Variants in VAV2 observed in about 807,000 individuals in gnomAD.
The protein encoded by VAV2 is guanine nucleotide exchange factor VAV2.
Under a neutral mutation model 132.5 loss-of-function variants are expected in VAV2, and 67 were observed. The observed-to-expected ratio is 0.51, with a 90% confidence interval of 0.42 to 0.62. VAV2 has a LOEUF of 0.62. Ranked by LOEUF, VAV2 falls within the 20% of genes least tolerant of loss-of-function variation. VAV2 has a pLI of 0.00. For synonymous variants in VAV2, 492 were observed against 443.5 expected, an observed-to-expected ratio of 1.11 and a Z score of -1.37; for missense variants, 938 against 1,153.6, an observed-to-expected ratio of 0.81 and a Z score of 2.71.
At chr9:133,946,001 C>A (rs1841345266) in intron 1 of VAV2, among the ~76,000 whole-genome samples, 1 of 152,242 alleles carries the variant, frequency 6.6e-6, no homozygotes, top group South Asian at 2.1e-4. Context: ...GACTCTCACT[C>A]AAAGAGACTG....
chr9:133,948,234 T>C (rs1233742261), intron 1 of VAV2, among the ~76,000 whole-genome samples: 1 of 152,246 alleles, frequency 6.6e-6, no homozygotes, highest in Non-Finnish European at 1.5e-5. Context: ...TGATTTTGTC[T>C]GGACAATTGA....
chr9:133,828,614 A>G (rs1836142390), intron 4 of VAV2, among the ~76,000 whole-genome samples: 1 of 152,242 alleles, frequency 6.6e-6, no homozygotes, highest in Admixed American at 6.5e-5. Context: ...CTGTCACTGC[A>G]GTGCCACCAA....
At position 133,784,419 on chromosome 9, in the gene VAV2, C is replaced by G. The variant is rs189757129; in HGVS notation, c.1533-1G>C. The G allele has an allele frequency of 6.2e-7, 1 of 1,614,098 alleles. No individual in the cohort carries two copies. Among genetic ancestry groups the G allele is most frequent in the Non-Finnish European group, 8.5e-7 (1 of 1,179,974 alleles). ...GGCTTTGTCTGGCTTGATGTTTGAC[C>G]TGGCAGGAGGGAAAGAGAGCAGATG... On this transcript the variant is annotated splice_acceptor_variant, in intron 17 of 29. Coordinates refer to ENST00000371850, the MANE Select transcript of VAV2 (RefSeq NM_001134398.2). LOFTEE classifies it high-confidence loss of function.
In VAV2 at chr9:133,918,111, C is replaced by G. The variant is rs1456198570; in HGVS notation, c.321+20992G>C. On this transcript the variant is annotated intron_variant, in intron 2 of 29. Coordinates refer to ENST00000371850, the MANE Select transcript of VAV2 (RefSeq NM_001134398.2). This position sits in a 1 kb window ranked among gnomAD's most constrained non-coding sequence, Gnocchi z 4.7. ...ATTAAACATGATTTAATTTGCTTTT[C>G]CTAATGATATGCCCACAGTATTAGG... Among the ~76,000 whole-genome samples, 3 of 152,192 alleles carry G rather than the reference C, an allele frequency of 2.0e-5. No individual in the cohort carries two copies. Among genetic ancestry groups the G allele is most frequent in the African/African-American group, 7.2e-5 (3 of 41,428 alleles).
At chr9:133,930,166 G>A (rs1169441353) in intron 2 of VAV2, among the ~76,000 whole-genome samples, 2 of 152,264 alleles carry the variant, frequency 1.3e-5, no homozygotes, top group East Asian at 3.9e-4. Flanking sequence ...CCAGGGTCAG[G>A]CCTTTTACTT....
At chr9:133,898,328 C>G (rs1352409043) in intron 2 of VAV2, among the ~76,000 whole-genome samples, 5 of 152,250 alleles carry the variant, frequency 3.3e-5, no homozygotes, top group African/African-American at 9.6e-5. Flanking sequence ...GTGGTTCACA[C>G]CTGTAATCCC....
At chr9:133,892,312 G>A (rs1287708077) in intron 2 of VAV2, among the ~76,000 whole-genome samples, 4 of 151,820 alleles carry the variant, frequency 2.6e-5, no homozygotes, top group African/African-American at 9.7e-5. Flanking sequence ...GCCTCCTGGT[G>A]CTTCCGCAGG....
intron 1 of VAV2, among the ~76,000 whole-genome samples, chr9:133,977,024 C>T (rs963661338): frequency 1.3e-5 from 2 of 152,226 alleles, no homozygotes; most frequent in African/African-American, 2.4e-5. Context: ...CCAGGGACTG[C>T]GGCCAGAGGG....
chr9:133,940,274 G>A (rs1005186233), intron 1 of VAV2, among the ~76,000 whole-genome samples: 39 of 152,298 alleles, frequency 2.6e-4, no homozygotes, highest in African/African-American at 8.9e-4. Flanking sequence ...GGGGATTCGC[G>A]AGGGGAGGGT....
intron 1 of VAV2, among the ~76,000 whole-genome samples, chr9:133,966,063 TA>T (rs1472011479): frequency 6.6e-6 from 1 of 152,160 alleles, no homozygotes; most frequent in Non-Finnish European, 1.5e-5. Context: ...TGGTGATAGG[TA>T]AACTGCATAT....
At chr9:133,916,423 C>T (rs905279214) in intron 2 of VAV2, among the ~76,000 whole-genome samples, 11 of 152,302 alleles carry the variant, frequency 7.2e-5, no homozygotes, top group African/African-American at 2.2e-4. Flanking sequence ...AACGAGGGCC[C>T]GGGCGCACAG....
rs76126187 is a variant in VAV2, at chr9:133,939,720, A to G, written c.205-501T>C. Among the ~76,000 whole-genome samples the G allele has an allele frequency of 7.2e-3, 1,103 of 152,392 alleles. 18 individuals carry two copies. The highest frequency in any genetic ancestry group is 0.025 in the African/African-American group (1,032 of 41,590). On this transcript the variant is annotated intron_variant, in intron 1 of 29. Coordinates refer to ENST00000371850, the MANE Select transcript of VAV2 (RefSeq NM_001134398.2). ...CGCATGCTCACGTGGGCACGTGCAC[A>G]GGCGTGCGTACATACACGAGGCTTC...
chr9:133,912,817 C>T lies in VAV2; in HGVS notation c.321+26286G>A, dbSNP rs1467421240. Among the ~76,000 whole-genome samples the T allele has an allele frequency of 6.6e-6, 1 of 152,140 alleles. No individual in the cohort carries two copies. Among genetic ancestry groups the T allele is most frequent in the Admixed American group, 6.5e-5 (1 of 15,276 alleles). On this transcript the variant is annotated intron_variant, in intron 2 of 29. Transcript: ENST00000371850. The surrounding 1 kb of genome is among the most constrained non-coding windows in gnomAD (Gnocchi z 4.3). ...ACAATCGTCCTGTCCTCGTTCCGTC[C>T]CTCTAAAATCAGAGTCGTCCTGTGA... is the stretch of plus-strand genomic sequence containing the variant.
intron 2 of VAV2, among the ~76,000 whole-genome samples, chr9:133,893,358 G>GC (rs1424163433): frequency 6.6e-6 from 1 of 152,182 alleles, no homozygotes; most frequent in Admixed American, 6.5e-5. Context: ...GAAGGCGGCG[G>GC]CAACAGCAGC....
intron 2 of VAV2, among the ~76,000 whole-genome samples, chr9:133,878,834 G>T (rs1838372704): frequency 6.6e-6 from 1 of 152,214 alleles, no homozygotes; most frequent in South Asian, 2.1e-4. Flanking sequence ...AGGGACAGCA[G>T]CTGAGCACTC....
chr9:133,878,463 C>T (rs1838354386), intron 2 of VAV2, among the ~76,000 whole-genome samples: 1 of 152,210 alleles, frequency 6.6e-6, no homozygotes, highest in Admixed American at 6.5e-5. Flanking sequence ...GTCTTGGTTT[C>T]CTCAGCTGTG....
intron 1 of VAV2, among the ~76,000 whole-genome samples, chr9:133,989,296 G>A (rs563189265): frequency 2.7e-4 from 40 of 149,716 alleles, no homozygotes; most frequent in African/African-American, 9.6e-4. Flanking sequence ...CTGAGATAGC[G>A]CCATTGCACT....
intron 2 of VAV2, among the ~76,000 whole-genome samples, chr9:133,886,739 A>G (rs979274612): frequency 2.0e-5 from 3 of 152,246 alleles, no homozygotes; most frequent in African/African-American, 7.2e-5. Flanking sequence ...ACCCACGTCC[A>G]GAACAACCCC....
intron 2 of VAV2, among the ~76,000 whole-genome samples, chr9:133,888,770 C>T (rs926757569): frequency 2.6e-5 from 4 of 152,192 alleles, no homozygotes; most frequent in Non-Finnish European, 4.4e-5. Flanking sequence ...GTCATCCCAG[C>T]GGCTGGCTGC....
Sources: allele counts gnomAD v4.1 joint callset (sites outside exome capture counted in the v4.1 genomes callset), GRCh38; gene constraint gnomAD v4.1.1; non-coding constraint Gnocchi (gnomAD v3.1); transcripts MANE v1.5; gene names NCBI Gene and HGNC (gene_info 2026-07-23, HGNC 2026-07-21).